Variants in SCAPER observed in about 807,000 individuals in gnomAD.
The protein encoded by SCAPER is S-phase cyclin A associated protein in the ER.
SCAPER carries 98 observed loss-of-function variants against 182.2 expected under a neutral mutation model. The observed-to-expected ratio is 0.54, with a 90% CI of 0.46 to 0.64. The LOEUF is 0.64. SCAPER is among the 30% of genes least tolerant of loss of function. The pLI, the probability that SCAPER is intolerant of heterozygous loss-of-function variation, is 0.00. For synonymous variants in SCAPER, 605 were observed against 564.6 expected (o/e 1.07, Z -1.01); for missense variants, 1,432 against 1,690.0 (o/e 0.85, Z 2.68).
chr15:76,427,544 A>G (rs1313440279), intron 26 of SCAPER, among the ~76,000 whole-genome samples: 1 of 152,170 alleles, frequency 6.6e-6, no homozygotes, highest in Non-Finnish European at 1.5e-5. Flanking sequence ...AATAGTTATT[A>G]TCAAAAAGAC....
At chr15:76,616,082 AT>A (rs1221864001) in intron 22 of SCAPER, among the ~76,000 whole-genome samples, 1 of 152,152 alleles carries the variant, frequency 6.6e-6, no homozygotes, top group Non-Finnish European at 1.5e-5. Context: ...CAATATATTA[AT>A]ATTAAAAATA....
chr15:76,637,116 A>T (rs1567664751), intron 21 of SCAPER, among the ~76,000 whole-genome samples: 1 of 152,096 alleles, frequency 6.6e-6, no homozygotes, highest in Non-Finnish European at 1.5e-5. Flanking sequence ...CTAACTTTAG[A>T]ACATTTTTCT....
intron 14 of SCAPER, among the ~76,000 whole-genome samples, chr15:76,755,978 G>A (rs766506211): frequency 6.6e-6 from 1 of 152,182 alleles, no homozygotes; most frequent in Non-Finnish European, 1.5e-5. Context: ...ATCAGGCCAG[G>A]AGCAGTGGCT....
intron 16 of SCAPER, among the ~76,000 whole-genome samples, chr15:76,729,086 G>A (rs1049013794): frequency 1.3e-5 from 2 of 151,982 alleles, no homozygotes; most frequent in African/African-American, 4.8e-5. Context: ...TAGCCTACCA[G>A]CCTACATCCT....
intron 25 of SCAPER, among the ~76,000 whole-genome samples, chr15:76,453,965 G>A (rs2048548589): frequency 6.6e-6 from 1 of 152,174 alleles, no homozygotes; most frequent in African/African-American, 2.4e-5. Flanking sequence ...TAGTAGTACA[G>A]TAAGTACATT....
chr15:76,885,048 C>A (rs576916556), intron 1 of SCAPER, among the ~76,000 whole-genome samples: 1 of 152,266 alleles, frequency 6.6e-6, no homozygotes, highest in African/African-American at 2.4e-5. Flanking sequence ...TGCTAATAAG[C>A]ACACGGTTTC....
intron 22 of SCAPER, among the ~76,000 whole-genome samples, chr15:76,588,457 T>G (rs968624851): frequency 3.3e-5 from 5 of 152,242 alleles, no homozygotes; most frequent in Non-Finnish European, 7.3e-5. Context: ...TGTCTTTTTC[T>G]ACCCCTTTAC....
intron 23 of SCAPER, among the ~76,000 whole-genome samples, chr15:76,542,548 AAAAATAAAATAAAAT>A (rs371485796): frequency 6.7e-6 from 1 of 149,636 alleles, no homozygotes; most frequent in Admixed American, 6.6e-5. Context: ...ATAAATAAAT[AAAAATAAAATAAAAT>A]AAAATAAAAT....
chr15:76,838,112 G>C (rs923279767), intron 5 of SCAPER, among the ~76,000 whole-genome samples: 2 of 152,168 alleles, frequency 1.3e-5, no homozygotes, highest in African/African-American at 4.8e-5. Context: ...TATGTTCACT[G>C]CAGCACTATC....
chr15:76,625,063 A>G (rs1383874340), intron 21 of SCAPER, among the ~76,000 whole-genome samples: 4 of 152,012 alleles, frequency 2.6e-5, no homozygotes, highest in Admixed American at 2.6e-4. Context: ...GCCCCCAGAG[A>G]GAGTACTCGG....
chr15:76,560,999 C>T (rs1429604107), intron 23 of SCAPER, among the ~76,000 whole-genome samples: 1 of 152,108 alleles, frequency 6.6e-6, no homozygotes, highest in African/African-American at 2.4e-5. Context: ...GCATCAGGAT[C>T]CATACACGGG....
intron 26 of SCAPER, among the ~76,000 whole-genome samples, chr15:76,407,091 A>G (rs2044902679): frequency 6.6e-6 from 1 of 152,190 alleles, no homozygotes; most frequent in Admixed American, 6.6e-5. Flanking sequence ...AGAAAGAAAC[A>G]AAGCTGTAAT....
chr15:76,538,505 G>A (rs2044409882), intron 23 of SCAPER, among the ~76,000 whole-genome samples: 1 of 152,152 alleles, frequency 6.6e-6, no homozygotes, highest in Middle Eastern at 3.4e-3. Context: ...TCATAGATGG[G>A]AATTGAACAA....
chr15:76,714,866 T>G (rs2059801031), intron 17 of SCAPER, among the ~76,000 whole-genome samples: 1 of 152,092 alleles, frequency 6.6e-6, no homozygotes, highest in African/African-American at 2.4e-5. Flanking sequence ...AATGCAAGCC[T>G]GATTTAACAT....
In SCAPER at chr15:76,774,861, T is replaced by G. The variant is rs1053282794; in HGVS notation, c.1029A>C (p.Lys343Asn). Residue 343 changes from lysine (K) to asparagine (N), a missense_variant, in exon 9 of 32, where the codon AAA (lysine) becomes AAC (asparagine). Lys to Asn is a moderately conservative substitution (Grantham distance 94, BLOSUM62 0). This residue lies in a region of SCAPER where 480 missense variants were observed against 510.2 expected (regional missense o/e 0.94). Coordinates refer to ENST00000563290, the MANE Select transcript of SCAPER (RefSeq NM_020843.4). The part of the protein sequence containing the change: ...LHSCDHPLAE[K>N]TQFTVSTLDD... ...GATTTTCAGAATGTACTACCTGGGTTTTTTCGGCAAGAGGATGGTCACAAG... is the reference window on the plus strand; with the variant it reads ...GATTTTCAGAATGTACTACCTGGGTGTTTTCGGCAAGAGGATGGTCACAAG... 2 of 1,610,246 alleles carry G rather than the reference T, an allele frequency of 1.2e-6. No individual in the cohort carries two copies. Among genetic ancestry groups the G allele is most frequent in the African/African-American group, 2.7e-5 (2 of 74,636 alleles).
intron 5 of SCAPER, among the ~76,000 whole-genome samples, chr15:76,828,781 T>A (rs1016428322): frequency 6.6e-6 from 1 of 152,242 alleles, no homozygotes; most frequent in Admixed American, 6.5e-5. Flanking sequence ...TAGCCTTCTA[T>A]CCTTGTCCTG....
chr15:76,742,828 A>C (rs542356903), intron 15 of SCAPER, among the ~76,000 whole-genome samples: 2 of 152,216 alleles, frequency 1.3e-5, no homozygotes, highest in African/African-American at 4.8e-5. Context: ...TCTCAAGGAA[A>C]GTACACTTAT....
intron 16 of SCAPER, among the ~76,000 whole-genome samples, chr15:76,729,987 T>C (rs1332466742): frequency 6.6e-6 from 1 of 152,138 alleles, no homozygotes; most frequent in African/African-American, 2.4e-5. Flanking sequence ...CTCTAGTACC[T>C]ACTACTTACA....
rs142544234 is a variant in SCAPER, at chr15:76,553,073, T to C, written c.2838+21085A>G. Among the ~76,000 whole-genome samples, 177 of 152,192 alleles carry C rather than the reference T, an allele frequency of 1.2e-3. 2 individuals are homozygous for C. The highest frequency in any genetic ancestry group is 2.0e-3 in the Admixed American group (31 of 15,278). On this transcript the variant is annotated intron_variant, in intron 23 of 31. Transcript: ENST00000563290. ...CTTTCCCTCTGCCGCTTTGCTGGCATGCACTTGCCCACAGCACCCCCCACC... is the reference window on the plus strand; with the variant it reads ...CTTTCCCTCTGCCGCTTTGCTGGCACGCACTTGCCCACAGCACCCCCCACC...
Sources: gnomAD v4.1 joint callset for allele counts (sites outside exome capture counted in the v4.1 genomes callset) on GRCh38, gnomAD v4.1.1 for gene constraint, gnomAD v4.1.1 regional missense constraint, MANE v1.5 for transcripts, NCBI Gene and HGNC (gene_info 2026-07-23, HGNC 2026-07-21) for gene names.